The following NKAIN3 variants were observed in gnomAD, a reference collection of about 807,000 sequenced individuals.
NKAIN3 encodes sodium/potassium transporting ATPase interacting 3, also known as sodium/potassium-transporting ATPase subunit beta-1-interacting protein 3.
Under a neutral mutation model 30.2 loss-of-function variants are expected in NKAIN3, and 25 were observed. The observed-to-expected ratio is 0.83, with a 90% CI of 0.60 to 1.16. The LOEUF (loss-of-function observed/expected upper bound fraction) is 1.16. NKAIN3 is among the 50% of genes most tolerant of loss of function. The pLI is 0.00. For missense variants in NKAIN3, 225 were observed against 254.1 expected (o/e 0.89, Z 0.78); for synonymous variants, 91 against 89.6 (o/e 1.02, Z -0.09).
At chr8:62,955,875 G>T (rs12543961) in intron 6 of NKAIN3, among the ~76,000 whole-genome samples, 10,050 of 152,242 alleles carry the variant, frequency 0.066, 573 homozygotes, top group East Asian at 0.28. Context: ...CCTGTTCACT[G>T]CTGACCTAGC....
chr8:62,631,374 T>C (rs932042638), intron 3 of NKAIN3, among the ~76,000 whole-genome samples: 4 of 152,178 alleles, frequency 2.6e-5, no homozygotes, highest in Admixed American at 6.5e-5. Context: ...GATGCTGTCC[T>C]TCACCCATCG....
At chr8:62,744,608 T>C (rs1206127071) in intron 3 of NKAIN3, among the ~76,000 whole-genome samples, 1 of 152,196 alleles carries the variant, frequency 6.6e-6, no homozygotes, top group East Asian at 1.9e-4. Context: ...AAATAATGTA[T>C]AGTTCTTCTG....
intron 1 of NKAIN3, among the ~76,000 whole-genome samples, chr8:62,574,109 G>A (rs1037002190): frequency 1.4e-4 from 21 of 152,118 alleles, no homozygotes; most frequent in Non-Finnish European, 4.4e-5. Context: ...AGCTCCACAA[G>A]TAAGTGAGAA....
At chr8:62,525,864 G>A (rs1333554741) in intron 1 of NKAIN3, among the ~76,000 whole-genome samples, 2 of 152,096 alleles carry the variant, frequency 1.3e-5, no homozygotes, top group African/African-American at 2.4e-5. Context: ...TTCAAAAATT[G>A]GAGTTAAGTA....
At chr8:62,743,489 GT>G (rs1815973348) in intron 3 of NKAIN3, among the ~76,000 whole-genome samples, 1 of 152,192 alleles carries the variant, frequency 6.6e-6, no homozygotes, top group African/African-American at 2.4e-5. Flanking sequence ...AGTTTTACAT[GT>G]CATGGGAGAC....
rs4739032 is a variant in NKAIN3 at position 62,981,361 on chromosome 8, G to T, written c.*15954G>T. 6.6e-6 allele frequency: 1 copy of T among 152,000 alleles called. No individual in the cohort carries two copies. Among genetic ancestry groups the T allele is most frequent in the Admixed American group, 6.6e-5 (1 of 15,260 alleles). The allele number at this position is 152,000 out of a possible 1,614,324, so 9.4% of individuals were successfully genotyped here. A position where few individuals can be genotyped will look rare whatever the true frequency, so the allele number is the denominator to read the frequency against. ...GATAACTGTAATAAGAATATGTCTC[G>T]TTTTCTTTTAAAGACATAGATATTC... is the stretch of plus-strand genomic sequence containing the variant. On this transcript the variant is annotated 3_prime_UTR_variant, in exon 7 of 7. Transcript: ENST00000623646.
chr8:62,855,660 G>C (rs1820040420), intron 4 of NKAIN3: 4 of 1,604,206 alleles, frequency 2.5e-6, no homozygotes, highest in Non-Finnish European at 3.4e-6. Context: ...CTGAAGTGCT[G>C]CTGCAGCCCA....
At chr8:62,876,992 A>C (rs1468091936) in intron 4 of NKAIN3, among the ~76,000 whole-genome samples, 1 of 152,156 alleles carries the variant, frequency 6.6e-6, no homozygotes, top group Non-Finnish European at 1.5e-5. Flanking sequence ...TCTCAAAAAA[A>C]AAAAAGAAAA....
chr8:62,503,538 A>G (rs1240068423), intron 1 of NKAIN3, among the ~76,000 whole-genome samples: 4 of 152,140 alleles, frequency 2.6e-5, no homozygotes, highest in African/African-American at 9.7e-5. Context: ...AATCCTGGTA[A>G]GCCTGAGGGT....
intron 1 of NKAIN3, among the ~76,000 whole-genome samples, chr8:62,262,020 G>A (rs978128443): frequency 1.3e-5 from 2 of 151,894 alleles, no homozygotes; most frequent in African/African-American, 4.8e-5. Flanking sequence ...TTAGATTTTG[G>A]TATTGTGACT....
chr8:62,321,442 C>G (rs946005530), intron 1 of NKAIN3, among the ~76,000 whole-genome samples: 9 of 152,168 alleles, frequency 5.9e-5, no homozygotes, highest in Non-Finnish European at 8.8e-5. Flanking sequence ...TGCTCTGTTT[C>G]TTCCCCATCT....
chr8:62,394,990 C>T (rs553732382), intron 1 of NKAIN3, among the ~76,000 whole-genome samples: 2 of 142,690 alleles, frequency 1.4e-5, no homozygotes, highest in African/African-American at 2.6e-5. Flanking sequence ...GGTCGGCGGC[C>T]GGACAGAGGC....
intron 3 of NKAIN3, among the ~76,000 whole-genome samples, chr8:62,696,678 GAAAC>G (rs925050592): frequency 6.7e-6 from 1 of 148,994 alleles, no homozygotes; most frequent in Admixed American, 6.7e-5. Context: ...AAAAAAAAAA[GAAAC>G]AATAAATTGT....
chr8:62,605,882 T>A (rs926224998), intron 3 of NKAIN3, among the ~76,000 whole-genome samples: 2 of 152,082 alleles, frequency 1.3e-5, no homozygotes, highest in Admixed American at 6.6e-5. Flanking sequence ...AAATGAGTAT[T>A]CACAATAAAA....
At chr8:62,503,938 G>A (rs1472749739) in intron 1 of NKAIN3, among the ~76,000 whole-genome samples, 1 of 152,112 alleles carries the variant, frequency 6.6e-6, no homozygotes, top group Admixed American at 6.5e-5. Context: ...TACCTCCTCA[G>A]TTTACGAAGA....
At position 62,438,729 on chromosome 8, in the gene NKAIN3, T is replaced by C. The variant is rs765187327; in HGVS notation, c.55-140810T>C. Among the ~76,000 whole-genome samples the C allele has an allele frequency of 1.7e-4, 26 of 152,066 alleles. 1 individual carries two copies. The highest frequency in any genetic ancestry group is 3.1e-4 in the Non-Finnish European group (21 of 68,006). On this transcript the variant is annotated intron_variant, in intron 1 of 6. Coordinates refer to ENST00000623646, the MANE Select transcript of NKAIN3 (RefSeq NM_001304533.3). ...GGTGTGTGCCACCATGCCCAGCCAA[T>C]TTTTGTACTTTTTGGTGGAGATGGG...
intron 3 of NKAIN3, among the ~76,000 whole-genome samples, chr8:62,655,104 CAG>C (rs1812727544): frequency 6.6e-6 from 1 of 152,060 alleles, no homozygotes; most frequent in African/African-American, 2.4e-5. Context: ...AAGGGGTAAA[CAG>C]AGGAGCTTAA....
intron 3 of NKAIN3, among the ~76,000 whole-genome samples, chr8:62,656,710 C>G (rs994467135): frequency 6.6e-6 from 1 of 152,174 alleles, no homozygotes; most frequent in African/African-American, 2.4e-5. Flanking sequence ...TGTCTAGTCA[C>G]AACCACTCCC....
At chr8:62,398,335 A>T (rs1329343422) in intron 1 of NKAIN3, among the ~76,000 whole-genome samples, 1 of 152,254 alleles carries the variant, frequency 6.6e-6, no homozygotes, top group Non-Finnish European at 1.5e-5. Flanking sequence ...ACCTATAGTT[A>T]GAATGAAGTG....
Sources: gnomAD v4.1 joint callset for allele counts (sites outside exome capture counted in the v4.1 genomes callset) on GRCh38, gnomAD v4.1.1 for gene constraint, MANE v1.5 for transcripts, NCBI Gene and HGNC (gene_info 2026-07-23, HGNC 2026-07-21) for gene names.